Variants in SLC5A10 observed in about 807,000 individuals in gnomAD.
The protein encoded by SLC5A10 is sodium/mannose cotransporter SLC5A10.
Under a neutral mutation model 68.9 loss-of-function variants are expected in SLC5A10, and 55 were observed. That is an observed-to-expected ratio of 0.80 (90% CI 0.64 to 1.00). The LOEUF (loss-of-function observed/expected upper bound fraction) is 1.00. SLC5A10 is among the 50% of genes least tolerant of loss of function. The pLI is 0.00. For synonymous variants in SLC5A10, 344 were observed against 344.8 expected, an observed-to-expected ratio of 1.00 and a Z score of 0.02; for missense variants, 732 against 819.3, an observed-to-expected ratio of 0.89 and a Z score of 1.30.
chr17:19,016,055 T>G (rs1450433528), intron 11 of SLC5A10, among the ~76,000 whole-genome samples: 1 of 152,064 alleles, frequency 6.6e-6, no homozygotes, highest in Non-Finnish European at 1.5e-5. Context: ...ATCATTCTTT[T>G]TTTTTTTTTT....
intron 9 of SLC5A10, among the ~76,000 whole-genome samples, chr17:18,990,954 A>T (rs2043406276): frequency 6.6e-6 from 1 of 152,144 alleles, no homozygotes; most frequent in African/African-American, 2.4e-5. Context: ...GCCCTGTCCC[A>T]CCCAGAGCAC....
intron 9 of SLC5A10, among the ~76,000 whole-genome samples, chr17:18,985,401 C>G (rs1248162271): frequency 6.6e-6 from 1 of 152,216 alleles, no homozygotes; most frequent in Non-Finnish European, 1.5e-5. Context: ...CCTGACACCC[C>G]AAGGTCAAAA....
intron 9 of SLC5A10, among the ~76,000 whole-genome samples, chr17:19,002,860 G>C (rs770568686): frequency 6.6e-6 from 1 of 152,132 alleles, no homozygotes; most frequent in Non-Finnish European, 1.5e-5. Flanking sequence ...GGTCCCTTCC[G>C]GTGGCAAAAT....
intron 1 of SLC5A10, among the ~76,000 whole-genome samples, chr17:18,954,467 C>T (rs927966108): frequency 2.0e-5 from 3 of 152,172 alleles, no homozygotes; most frequent in Non-Finnish European, 2.9e-5. Context: ...CCCTGTCCCT[C>T]CTAGCAGGCT....
At chr17:18,954,105 G>C (rs752928446) in intron 1 of SLC5A10, 3 of 152,264 alleles carry the variant, frequency 2.0e-5, no homozygotes, top group Non-Finnish European at 4.4e-5. Flanking sequence ...CAAGGAGCAA[G>C]GGTCCAATGG....
At chr17:18,969,503 G>C (rs1464588792) in intron 7 of SLC5A10, 81 bp downstream of exon 7, 3 of 1,338,768 alleles carry the variant, frequency 2.2e-6, no homozygotes, top group Non-Finnish European at 3.2e-6. Flanking sequence ...GCACTGTGCA[G>C]GATTCATGCC....
chr17:18,966,490 G>A (rs2042711109), intron 5 of SLC5A10, among the ~76,000 whole-genome samples: 1 of 152,176 alleles, frequency 6.6e-6, no homozygotes, highest in African/African-American at 2.4e-5. Context: ...TGGGCCGGGT[G>A]CGGTGGCTCA....
chr17:18,988,612 C>G (rs545621833), intron 9 of SLC5A10, among the ~76,000 whole-genome samples: 1 of 152,348 alleles, frequency 6.6e-6, no homozygotes, highest in South Asian at 2.1e-4. Context: ...AGTTGCAGTC[C>G]CAGCTCTGGG....
intron 9 of SLC5A10, among the ~76,000 whole-genome samples, chr17:19,007,628 G>C (rs1403754173): frequency 1.3e-5 from 2 of 152,102 alleles, no homozygotes; most frequent in African/African-American, 4.8e-5. Context: ...TTATACTGTT[G>C]AATTTCAAAA....
chr17:19,019,718 C>T lies in SLC5A10; in HGVS notation c.1416C>T (p.Ala472=). The part of the protein sequence containing the change: ...VFWRRANEQG[A]FWGLIAGLVV... The stretch of plus-strand genomic sequence containing the variant: ...CCTGCCTCCCTCCTCCCCAGGGGGC[C>T]TTCTGGGGCCTGATAGCAGGGCTGG... Residue 472 remains alanine (A), a synonymous_variant, in exon 13 of 15, where the codon GCC becomes GCT. Transcript: ENST00000395645. 1 of 1,610,012 alleles carries T rather than the reference C, an allele frequency of 6.2e-7. No homozygotes were observed. Among genetic ancestry groups the T allele is most frequent in the Non-Finnish European group, 8.5e-7 (1 of 1,179,476 alleles).
intron 9 of SLC5A10, among the ~76,000 whole-genome samples, chr17:18,997,391 C>T (rs891190388): frequency 1.8e-4 from 28 of 152,218 alleles, no homozygotes; most frequent in Non-Finnish European, 4.4e-5. Context: ...TCCCGCTGGC[C>T]GCAAGGAGCT....
chr17:18,991,695 AC>A (rs1390722773), intron 9 of SLC5A10, among the ~76,000 whole-genome samples: 1 of 152,086 alleles, frequency 6.6e-6, no homozygotes, highest in Non-Finnish European at 1.5e-5. Context: ...TGTGTCCTGC[AC>A]CCCAGGTACC....
At position 19,021,954 on chromosome 17, in the gene SLC5A10, G is replaced by T; in HGVS notation, c.*1523G>T. ...GCCCGTTGGCCAGATCGGCCGCCGG[G>T]CTGCTCACAGGTGCACGGGCTGCAC... On this transcript the variant is annotated 3_prime_UTR_variant, in exon 15 of 15. Coordinates refer to ENST00000395645, the MANE Select transcript of SLC5A10 (RefSeq NM_001042450.4). This position sits in a 1 kb window ranked among gnomAD's most constrained non-coding sequence, Gnocchi z 4.1. 1 of 1,519,754 alleles carries T rather than the reference G, an allele frequency of 6.6e-7. No individual in the cohort carries two copies. Among genetic ancestry groups the T allele is most frequent in the Non-Finnish European group, 8.8e-7 (1 of 1,135,082 alleles). The allele number at this position is 1,519,754 out of a possible 1,614,324, so 94.1% of individuals were successfully genotyped here. A position where few individuals can be genotyped will look rare whatever the true frequency, so the allele number is the denominator to read the frequency against.
intron 9 of SLC5A10, among the ~76,000 whole-genome samples, chr17:19,011,807 G>GACACTGCCA (rs1169150728): frequency 1.4e-4 from 21 of 151,682 alleles, no homozygotes; most frequent in African/African-American, 4.8e-4. Flanking sequence ...CAGGGTAGGG[G>GACACTGCCA]GGACTGCCAG....
In SLC5A10 at chr17:18,971,396, C is replaced by T. The variant is rs374481599; in HGVS notation, c.846+178C>T. The T allele has an allele frequency of 2.1e-5, 34 of 1,613,614 alleles. No individual in the cohort carries two copies. Among genetic ancestry groups the T allele is most frequent in the African/African-American group, 4.0e-5 (3 of 74,912 alleles). On this transcript the variant is annotated intron_variant, in intron 8 of 14. Transcript: ENST00000395645. The surrounding 1 kb of genome is among the most constrained non-coding windows in gnomAD (Gnocchi z 5.5). ...GCGGTCCCGGGGGGCTTGAGCCCTC[C>T]GTTTAGAATCCGATGAGGCCCACTG... is the stretch of plus-strand genomic sequence containing the variant.
At chr17:19,007,649 T>A (rs983188056) in intron 9 of SLC5A10, among the ~76,000 whole-genome samples, 13 of 152,216 alleles carry the variant, frequency 8.5e-5, no homozygotes, top group African/African-American at 3.1e-4. Context: ...GTTCTTTATA[T>A]ATTCTAGCTA....
At chr17:18,974,637 G>C (rs1451986064) in intron 8 of SLC5A10, among the ~76,000 whole-genome samples, 1 of 152,190 alleles carries the variant, frequency 6.6e-6, no homozygotes, top group East Asian at 1.9e-4. Context: ...GACTCCAATG[G>C]CCACACCCCA....
chr17:19,004,138 C>A lies in SLC5A10; in HGVS notation c.983-9272C>A. Reference sequence around the variant, plus strand: ...GGGCACCGCGCGCTCGGGGGCCTCTCCGCGGCCTCTGCTTCTCTGCCCATG... The same window carrying A: ...GGGCACCGCGCGCTCGGGGGCCTCTACGCGGCCTCTGCTTCTCTGCCCATG... On this transcript the variant is annotated intron_variant, in intron 9 of 14. Coordinates refer to ENST00000395645, the MANE Select transcript of SLC5A10 (RefSeq NM_001042450.4). This position sits in a 1 kb window ranked among gnomAD's most constrained non-coding sequence, Gnocchi z 5.4. 1.6e-6 allele frequency: 2 copies of A among 1,222,052 alleles called. No individual in the cohort carries two copies. Among genetic ancestry groups the A allele is most frequent in the Non-Finnish European group, 2.3e-6 (2 of 880,360 alleles). 75.7% of individuals were successfully genotyped at this position (1,222,052 alleles called of 1,614,324 possible).
chr17:18,984,204 T>C (rs1156345179), intron 9 of SLC5A10, among the ~76,000 whole-genome samples: 1 of 151,406 alleles, frequency 6.6e-6, no homozygotes, highest in Admixed American at 6.6e-5. Context: ...TAGCCGGGCG[T>C]GGTGGCGGGC....
Sources: gnomAD v4.1 joint callset for allele counts (sites outside exome capture counted in the v4.1 genomes callset) on GRCh38, gnomAD v4.1.1 for gene constraint, Gnocchi (gnomAD v3.1) non-coding constraint, MANE v1.5 for transcripts, NCBI Gene and HGNC (gene_info 2026-07-23, HGNC 2026-07-21) for gene names.